Variants in SYNJ2BP observed in about 807,000 individuals in gnomAD.
SYNJ2BP encodes synaptojanin 2 binding protein.
SYNJ2BP carries 10 observed loss-of-function variants against 16.9 expected under a neutral mutation model. The observed-to-expected ratio is 0.59, with a 90% CI of 0.36 to 1.00. The LOEUF (loss-of-function observed/expected upper bound fraction) is 1.00. SYNJ2BP is among the 50% of genes least tolerant of loss of function. The probability of loss-of-function intolerance (pLI) is 0.01; values close to 1 mark genes in which losing one functional copy is unlikely to be tolerated. For missense variants in SYNJ2BP, 162 were observed against 186.7 expected, an observed-to-expected ratio of 0.87 and a Z score of 0.77; for synonymous variants, 54 against 68.4, an observed-to-expected ratio of 0.79 and a Z score of 1.04.
At chr14:70,381,291 T>C (rs1230832619) in intron 2 of SYNJ2BP, among the ~76,000 whole-genome samples, 1 of 152,238 alleles carries the variant, frequency 6.6e-6, no homozygotes, top group Non-Finnish European at 1.5e-5. Flanking sequence ...TCAACCCTCC[T>C]AGTTAAGGCT....
chr14:70,383,757 C>A (rs1173259858), intron 2 of SYNJ2BP, among the ~76,000 whole-genome samples: 1 of 152,090 alleles, frequency 6.6e-6, no homozygotes, highest in Non-Finnish European at 1.5e-5. Flanking sequence ...ACCATTCTCG[C>A]CAGCATACAC....
chr14:70,385,316 T>C (rs1386721359), intron 2 of SYNJ2BP, among the ~76,000 whole-genome samples: 4 of 152,088 alleles, frequency 2.6e-5, no homozygotes, highest in Non-Finnish European at 5.9e-5. Flanking sequence ...CTACCCTTTA[T>C]AGAAAGACGA....
chr14:70,392,461 TG>T (rs1222062239), intron 1 of SYNJ2BP, among the ~76,000 whole-genome samples: 2 of 152,084 alleles, frequency 1.3e-5, no homozygotes, highest in Non-Finnish European at 2.9e-5. Flanking sequence ...TCTACATCAA[TG>T]GGTAAGTGTT....
intron 1 of SYNJ2BP, among the ~76,000 whole-genome samples, chr14:70,411,423 A>G (rs1319573387): frequency 1.3e-5 from 2 of 152,196 alleles, no homozygotes; most frequent in African/African-American, 4.8e-5. Context: ...AATGGCTAGG[A>G]AGTAGAAAGA....
chr14:70,382,162 G>C (rs1422222451), intron 2 of SYNJ2BP, among the ~76,000 whole-genome samples: 3 of 152,194 alleles, frequency 2.0e-5, no homozygotes, highest in Non-Finnish European at 2.9e-5. Context: ...AGTGAACCCG[G>C]GAGGCAGAGC....
intron 1 of SYNJ2BP, 115 bp downstream of exon 1, chr14:70,416,785 C>T: frequency 2.0e-6 from 3 of 1,521,738 alleles, no homozygotes; most frequent in Non-Finnish European, 2.7e-6. Context: ...TGCACGAAAC[C>T]TCTAGGTTGT....
intron 1 of SYNJ2BP, among the ~76,000 whole-genome samples, chr14:70,397,144 AT>A (rs1888117123): frequency 6.6e-6 from 1 of 152,142 alleles, no homozygotes; most frequent in African/African-American, 2.4e-5. Context: ...TTTCTAGTTA[AT>A]TTTTGTACAT....
chr14:70,401,525 CTT>C (rs71105709), intron 1 of SYNJ2BP, among the ~76,000 whole-genome samples: 21 of 126,882 alleles, frequency 1.7e-4, no homozygotes, highest in African/African-American at 4.8e-4. Context: ...TGGTTCTTGG[CTT>C]TTTTTTTTTT....
intron 2 of SYNJ2BP, among the ~76,000 whole-genome samples, chr14:70,383,386 A>G (rs1887793151): frequency 6.6e-6 from 1 of 152,168 alleles, no homozygotes; most frequent in Non-Finnish European, 1.5e-5. Flanking sequence ...AGCACTTGGC[A>G]CAGTGCTCTG....
intron 1 of SYNJ2BP, among the ~76,000 whole-genome samples, chr14:70,409,415 A>G (rs1439192366): frequency 6.6e-6 from 1 of 152,210 alleles, no homozygotes; most frequent in Non-Finnish European, 1.5e-5. Context: ...TCAATAAATA[A>G]TTGTGTACTT....
chr14:70,405,468 T>A lies in SYNJ2BP; in HGVS notation c.64+11432A>T, dbSNP rs544214227. Among the ~76,000 whole-genome samples, 4 of 152,222 alleles carry A rather than the reference T, an allele frequency of 2.6e-5. No homozygotes were observed. In the South Asian group the frequency reaches 8.3e-4, roughly 32 times the overall value. On this transcript the variant is annotated intron_variant, in intron 1 of 3. Transcript: ENST00000256366. The stretch of plus-strand genomic sequence containing the variant: ...GAAGTTTTGTGGAACATGAATCTTA[T>A]GAATTTTGTGAGTGATCAAGTTGGC...
intron 1 of SYNJ2BP, among the ~76,000 whole-genome samples, chr14:70,399,567 A>G (rs1888189062): frequency 6.6e-6 from 1 of 152,044 alleles, no homozygotes; most frequent in African/African-American, 2.4e-5. Context: ...CGCAAGGCAT[A>G]GGGGACCCAC....
intron 1 of SYNJ2BP, among the ~76,000 whole-genome samples, chr14:70,393,490 C>T (rs1888022796): frequency 6.6e-6 from 1 of 152,154 alleles, no homozygotes; most frequent in African/African-American, 2.4e-5. Flanking sequence ...CTACTATAAA[C>T]ACACAGGCAC....
Position 70,368,166 on chromosome 14 carries a change from CT to C in SYNJ2BP, c.*4824del, listed in dbSNP as rs1397211969. ...ATGTCCACCATAAAAAAAAAAGTCT[CT>C]AGAACTATTGGAATTAGTCTCAGAA... On this transcript the variant is annotated 3_prime_UTR_variant, in exon 4 of 4. Coordinates refer to ENST00000256366, the MANE Select transcript of SYNJ2BP (RefSeq NM_018373.3). The C allele has an allele frequency of 1.3e-5, 2 of 152,082 alleles. No individual in the cohort carries two copies. Among genetic ancestry groups the C allele is most frequent in the African/African-American group, 4.8e-5 (2 of 41,400 alleles). 9.4% of individuals were successfully genotyped at this position (152,082 alleles called of 1,614,324 possible). A position where few individuals can be genotyped will look rare whatever the true frequency, so the allele number is the denominator to read the frequency against.
intron 3 of SYNJ2BP, among the ~76,000 whole-genome samples, chr14:70,374,623 G>A (rs1887585583): frequency 6.6e-6 from 1 of 152,200 alleles, no homozygotes. Context: ...TGCAGGGATA[G>A]GTGCTGCCTT....
intron 1 of SYNJ2BP, among the ~76,000 whole-genome samples, chr14:70,411,422 G>A (rs1255902807): frequency 1.3e-5 from 2 of 152,174 alleles, no homozygotes; most frequent in African/African-American, 4.8e-5. Context: ...CAATGGCTAG[G>A]AAGTAGAAAG....
intron 1 of SYNJ2BP, among the ~76,000 whole-genome samples, chr14:70,404,915 C>T (rs962464956): frequency 3.9e-5 from 6 of 152,114 alleles, no homozygotes; most frequent in Non-Finnish European, 8.8e-5. Flanking sequence ...TGCTTGAGTA[C>T]AGGAGTTCAA....
chr14:70,390,719 A>G (rs750271067), intron 1 of SYNJ2BP, among the ~76,000 whole-genome samples: 38 of 152,070 alleles, frequency 2.5e-4, no homozygotes, highest in Admixed American at 4.6e-4. Context: ...AGTTCTCCCC[A>G]TTGGTGGGAG....
rs958489560 is a variant in SYNJ2BP, at chr14:70,373,117, A to T, written c.312T>A (p.Asn104Lys). 1.9e-6 allele frequency: 3 copies of T among 1,613,960 alleles called. No homozygotes were observed. Among genetic ancestry groups the T allele is most frequent in the African/African-American group, 1.3e-5 (1 of 75,044 alleles). The change falls in exon 4 of 4, where the codon AAT (asparagine) becomes AAA (lysine). Residue 104 changes from asparagine (N) to lysine (K), a missense_variant. By Grantham distance (94) the Asn-to-Lys change is moderately conservative. Transcript: ENST00000256366. ...CTTCACCTCGATGTCCTATAGGTCC[A>T]TTCTGCACCTGTAACTGGAAGGGAA... is the stretch of plus-strand genomic sequence containing the variant. ...LRVQHRLQVQNGPIGHRGEGD... is the reference protein window; with the variant it reads ...LRVQHRLQVQKGPIGHRGEGD...
Sources: gnomAD v4.1 joint callset for allele counts (sites outside exome capture counted in the v4.1 genomes callset) on GRCh38, gnomAD v4.1.1 for gene constraint, MANE v1.5 for transcripts, NCBI Gene and HGNC (gene_info 2026-07-23, HGNC 2026-07-21) for gene names.